Variants in RAD17 observed in about 807,000 individuals in gnomAD.
The protein encoded by RAD17 is RAD17 checkpoint clamp loader component, also known as cell cycle checkpoint protein RAD17.
RAD17 carries 31 observed loss-of-function variants against 81.5 expected under a neutral mutation model. The observed-to-expected ratio is 0.38, with a 90% CI of 0.29 to 0.51. The LOEUF is 0.51. Ranked by LOEUF, RAD17 falls within the 20% of genes least tolerant of loss-of-function variation. The pLI is 0.88. For missense variants in RAD17, 681 were observed against 781.2 expected, an observed-to-expected ratio of 0.87 and a Z score of 1.53; for synonymous variants, 261 against 266.2, an observed-to-expected ratio of 0.98 and a Z score of 0.19.
At chr5:69,406,745 A>G (rs1289019279) in intron 17 of RAD17, among the ~76,000 whole-genome samples, 1 of 151,880 alleles carries the variant, frequency 6.6e-6, no homozygotes, top group Non-Finnish European at 1.5e-5. Context: ...GGGTTCAAGC[A>G]ATCCTCCCAC....
chr5:69,382,074 A>T lies in RAD17; in HGVS notation c.508+17A>T, dbSNP rs1231038993. On this transcript the variant is annotated intron_variant, in intron 7 of 18. Coordinates refer to ENST00000354868, the MANE Select transcript of RAD17 (RefSeq NM_133338.3). ...TTAATACTGGTAAGATTTGCTGTGAAGGTAGTAGAAGTAGTGGGGCAAACC... is the reference window on the plus strand; with the variant it reads ...TTAATACTGGTAAGATTTGCTGTGATGGTAGTAGAAGTAGTGGGGCAAACC... The T allele has an allele frequency of 6.2e-7, 1 of 1,606,854 alleles. No homozygotes were observed. The highest frequency in any genetic ancestry group is 2.2e-5 in the East Asian group (1 of 44,780).
chr5:69,377,486 CATATATATACGTATATATATGT>C (rs1736974420), intron 6 of RAD17, among the ~76,000 whole-genome samples: 1 of 67,148 alleles, frequency 1.5e-5, no homozygotes, highest in East Asian at 5.2e-4. Context: ...CACACACACA[CATATATATACGTATATATATGT>C]ATATATACGT....
At chr5:69,376,360 A>G (rs1202245584) in intron 6 of RAD17, among the ~76,000 whole-genome samples, 1 of 152,228 alleles carries the variant, frequency 6.6e-6, no homozygotes, top group Non-Finnish European at 1.5e-5. Context: ...TTATTTCTAC[A>G]GTTATTACTG....
intron 12 of RAD17, among the ~76,000 whole-genome samples, chr5:69,389,933 G>C (rs1236862448): frequency 6.6e-6 from 1 of 152,108 alleles, no homozygotes; most frequent in Admixed American, 6.6e-5. Context: ...ACCTCATCTG[G>C]CCTGAAATTA....
intron 15 of RAD17, among the ~76,000 whole-genome samples, chr5:69,394,014 G>A (rs1006266536): frequency 1.4e-4 from 19 of 139,442 alleles, no homozygotes; most frequent in Admixed American, 7.2e-4. Context: ...CTCTGCCTTC[G>A]AAGTAGCTAG....
intron 1 of RAD17, chr5:69,370,252 T>A (rs1762856088): frequency 6.5e-6 from 1 of 153,654 alleles, no homozygotes; most frequent in Non-Finnish European, 1.5e-5. Context: ...TAACCTCGCA[T>A]CTTCAGGGAC....
intron 16 of RAD17, among the ~76,000 whole-genome samples, chr5:69,399,594 ATATT>A (rs1411193635): frequency 1.3e-5 from 2 of 152,208 alleles, no homozygotes; most frequent in African/African-American, 2.4e-5. Context: ...TATAGCATAT[ATATT>A]AATTTTGCAT....
rs1281940851 is a variant in RAD17, at chr5:69,393,382, G to A, written c.1304G>A (p.Gly435Glu). ...GTAGTAGAAATGTCACACATGCCTG[G>A]AGACTTATTTAATTTATATCTTCAC... Reference protein sequence around the residue: ...EEVVEMSHMPGDLFNLYLHQN... With the variant: ...EEVVEMSHMPEDLFNLYLHQN... The change falls in exon 15 of 19, where the codon GGA becomes GAA. Residue 435 changes from glycine to glutamate, a missense_variant. Coordinates refer to ENST00000354868, the MANE Select transcript of RAD17 (RefSeq NM_133338.3). The A allele has an allele frequency of 2.5e-6, 4 of 1,600,032 alleles. No homozygotes were observed. The highest frequency in any genetic ancestry group is 3.4e-6 in the Non-Finnish European group (4 of 1,172,054).
At chr5:69,376,830 T>A (rs1267706584) in intron 6 of RAD17, among the ~76,000 whole-genome samples, 1 of 152,066 alleles carries the variant, frequency 6.6e-6, no homozygotes, top group Non-Finnish European at 1.5e-5. Context: ...CTTGGCTCAC[T>A]GCAACCTCTG....
chr5:69,393,390 T>C lies in RAD17; in HGVS notation c.1312T>C (p.Phe438Leu), dbSNP rs374655239. The C allele has an allele frequency of 7.5e-6, 12 of 1,600,534 alleles. No homozygotes were observed. The highest frequency in any genetic ancestry group is 2.7e-5 in the African/African-American group (2 of 74,240). ...AATGTCACACATGCCTGGAGACTTA[T>C]TTAATTTATATCTTCACCAAAACTA... Reference protein sequence around the residue: ...VEMSHMPGDLFNLYLHQNYID... With the variant: ...VEMSHMPGDLLNLYLHQNYID... Residue 438 changes from phenylalanine to leucine, a missense_variant, in exon 15 of 19, where the codon TTT becomes CTT. Coordinates refer to ENST00000354868, the MANE Select transcript of RAD17 (RefSeq NM_133338.3).
At chr5:69,413,694 C>G (rs1766177811) in intron 18 of RAD17, among the ~76,000 whole-genome samples, 1 of 152,140 alleles carries the variant, frequency 6.6e-6, no homozygotes, top group Non-Finnish European at 1.5e-5. Context: ...GCCACCACGC[C>G]TGGCTAATTT....
chr5:69,386,243 T>C lies in RAD17; in HGVS notation c.762T>C (p.Asp254=), dbSNP rs368875162. ...IFIISDSLSG[D]NNQRLLFPKE... ...TAATCTCGGACAGTCTCAGTGGAGA[T>C]AATAATCAAAGGTTATTGTTTCCCA... is the stretch of plus-strand genomic sequence containing the variant. Residue 254 remains aspartate (D), a synonymous_variant, in exon 10 of 19, where the codon GAT becomes GAC. Transcript: ENST00000354868. 3 of 1,608,082 alleles carry C rather than the reference T, an allele frequency of 1.9e-6. No homozygotes were observed. Among genetic ancestry groups the C allele is most frequent in the African/African-American group, 1.3e-5 (1 of 74,852 alleles).
At chr5:69,377,901 C>T (rs1046487436) in intron 6 of RAD17, among the ~76,000 whole-genome samples, 2 of 151,668 alleles carry the variant, frequency 1.3e-5, no homozygotes, top group Non-Finnish European at 2.9e-5. Context: ...AAGCAGTCCT[C>T]CCACCTCAGC....
intron 17 of RAD17, among the ~76,000 whole-genome samples, chr5:69,402,003 C>CAAAAAA (rs1173414879): frequency 2.2e-5 from 1 of 44,926 alleles, no homozygotes; most frequent in Non-Finnish European, 3.7e-5. Flanking sequence ...GACTCTGTCT[C>CAAAAAA]AAAAAAAAAA....
At chr5:69,411,643 C>T (rs571777970) in intron 18 of RAD17, among the ~76,000 whole-genome samples, 2 of 152,208 alleles carry the variant, frequency 1.3e-5, no homozygotes, top group East Asian at 1.9e-4. Flanking sequence ...TCTTTCCTAT[C>T]GCAGAAAGAC....
chr5:69,385,266 CTT>C (rs35876455), intron 8 of RAD17, among the ~76,000 whole-genome samples: 12 of 102,278 alleles, frequency 1.2e-4, no homozygotes, highest in Admixed American at 1.1e-4. Context: ...GGCCTAAAAT[CTT>C]TTTTTTTTTT....
intron 17 of RAD17, among the ~76,000 whole-genome samples, chr5:69,410,164 A>G (rs1301036080): frequency 1.3e-5 from 2 of 152,304 alleles, no homozygotes; most frequent in Middle Eastern, 3.4e-3. Flanking sequence ...TTTTGGGTAT[A>G]TACCCAGAAG....
chr5:69,386,594 T>C, intron 11 of RAD17, 129 bp downstream of exon 11: 1 of 1,118,536 alleles, frequency 8.9e-7, no homozygotes, highest in Non-Finnish European at 1.2e-6. Context: ...TCATAAGGCA[T>C]GTCATTTTAG....
In RAD17 at chr5:69,373,684, AAATTTTTTTTTTT is replaced by A. The variant is rs1561233277; in HGVS notation, c.10-145_10-133del. The A allele has an allele frequency of 4.3e-5, 21 of 491,554 alleles. No homozygotes were observed. The African/African-American group carries it at 5.9e-4, about 14-fold the overall frequency. 30.4% of individuals were successfully genotyped at this position (491,554 alleles called of 1,614,324 possible). A position where few individuals can be genotyped will look rare whatever the true frequency, so the allele number is the denominator to read the frequency against. On this transcript the variant is annotated intron_variant, in intron 4 of 18. Coordinates refer to ENST00000354868, the MANE Select transcript of RAD17 (RefSeq NM_133338.3). ...GACAGAGTGAGACCCGGTCTCAAAA[AAATTTTTTTTTTT>A]TTTTTTTTTTTTTTTTTTTAAGTTT...
Sources: gnomAD v4.1 joint callset for allele counts (sites outside exome capture counted in the v4.1 genomes callset) on GRCh38, gnomAD v4.1.1 for gene constraint, MANE v1.5 for transcripts, NCBI Gene and HGNC (gene_info 2026-07-23, HGNC 2026-07-21) for gene names.